The following GAPVD1 variants were observed in gnomAD, a reference collection of about 807,000 sequenced individuals.
GAPVD1 encodes GTPase activating protein and VPS9 domains 1.
GAPVD1 carries 35 observed loss-of-function variants against 155.5 expected under a neutral mutation model. The observed-to-expected ratio is 0.23, with a 90% CI of 0.17 to 0.30. The LOEUF is 0.30. Among genes scored for constraint, GAPVD1 ranks in the 10% least tolerant of loss-of-function variants. The pLI, the probability that GAPVD1 is intolerant of heterozygous loss-of-function variation, is 1.00. For synonymous variants in GAPVD1, 636 were observed against 619.7 expected (o/e 1.03, Z -0.39); for missense variants, 1,429 against 1,775.7 (o/e 0.80, Z 3.51).
rs913859116 is a variant in GAPVD1 at position 125,349,386 on chromosome 9, T to G, written c.3170-4T>G. Reference sequence around the variant, plus strand: ...TCCGTTTCTTGGGGGTGGGTTTTGTTTAGAGGTTATGGGTGATGGTGAAAG... The same window carrying G: ...TCCGTTTCTTGGGGGTGGGTTTTGTGTAGAGGTTATGGGTGATGGTGAAAG... On this transcript the variant is annotated splice_region_variant and splice_polypyrimidine_tract_variant and intron_variant, in intron 20 of 27. Coordinates refer to ENST00000297933, the MANE Select transcript of GAPVD1 (RefSeq NM_001282680.3). 3.1e-6 allele frequency: 5 copies of G among 1,612,412 alleles called. No homozygotes were observed. The highest frequency in any genetic ancestry group is 3.3e-5 in the Admixed American group (2 of 59,992).
intron 2 of GAPVD1, among the ~76,000 whole-genome samples, chr9:125,269,221 G>T (rs1186899569): frequency 6.6e-6 from 1 of 151,920 alleles, no homozygotes; most frequent in African/African-American, 2.4e-5. Flanking sequence ...ATGCTACTTT[G>T]CCCAGCTGAG....
chr9:125,265,924 T>TAAAAAAAAAAAAAAAAAA (rs1294990326), intron 1 of GAPVD1, among the ~76,000 whole-genome samples: 2 of 72,694 alleles, frequency 2.8e-5, no homozygotes, highest in African/African-American at 5.3e-5. Flanking sequence ...AAAAAATTTA[T>TAAAAAAAAAAAAAAAAAA]AAAAAAAAAA....
At chr9:125,336,633 C>T (rs1847043630) in intron 15 of GAPVD1, 1 of 180,224 alleles carries the variant, frequency 5.5e-6, no homozygotes, top group Non-Finnish European at 1.2e-5. Context: ...AAGGCATGAG[C>T]CCCTACACCT....
chr9:125,318,851 C>T (rs1843838017), intron 9 of GAPVD1, among the ~76,000 whole-genome samples: 1 of 151,736 alleles, frequency 6.6e-6, no homozygotes. Flanking sequence ...GACTTCAAGA[C>T]CAGCCTGGGC....
intron 23 of GAPVD1, 56 bp from the exon 24 acceptor site, chr9:125,354,598 C>A: frequency 2.6e-6 from 3 of 1,168,466 alleles, no homozygotes; most frequent in South Asian, 1.4e-5. Context: ...CCTTATTCTT[C>A]AAAGAGAGTA....
chr9:125,274,636 T>C (rs1230102343), intron 2 of GAPVD1, among the ~76,000 whole-genome samples: 2 of 152,034 alleles, frequency 1.3e-5, no homozygotes, highest in Non-Finnish European at 2.9e-5. Flanking sequence ...GCTAATTTTG[T>C]ATTTTTAGTA....
intron 9 of GAPVD1, among the ~76,000 whole-genome samples, chr9:125,320,638 T>G (rs181545330): frequency 2.0e-4 from 31 of 152,284 alleles, no homozygotes; most frequent in African/African-American, 6.7e-4. Context: ...TTATTTTTAT[T>G]TTTTTGAGAT....
intron 2 of GAPVD1, among the ~76,000 whole-genome samples, chr9:125,269,710 CTTTTTT>C (rs951306489): frequency 5.7e-5 from 3 of 52,684 alleles, no homozygotes; most frequent in East Asian, 4.4e-4. Flanking sequence ...CCATGCCTGG[CTTTTTT>C]TTTTTTTTTT....
intron 25 of GAPVD1, among the ~76,000 whole-genome samples, chr9:125,357,592 A>C (rs1388347250): frequency 2.0e-5 from 3 of 151,992 alleles, no homozygotes; most frequent in Non-Finnish European, 4.4e-5. Flanking sequence ...AAAATGAGAG[A>C]GAGAGAATGA....
chr9:125,305,998 A>T (rs1841736008), intron 6 of GAPVD1, among the ~76,000 whole-genome samples: 1 of 152,182 alleles, frequency 6.6e-6, no homozygotes, highest in African/African-American at 2.4e-5. Flanking sequence ...AACATCTATG[A>T]CATTGTTCAA....
intron 2 of GAPVD1, among the ~76,000 whole-genome samples, chr9:125,280,226 G>A (rs1029034436): frequency 1.3e-5 from 2 of 150,578 alleles, no homozygotes; most frequent in African/African-American, 4.8e-5. Context: ...GAGAAACCCC[G>A]TCTCCACTAA....
intron 8 of GAPVD1, among the ~76,000 whole-genome samples, chr9:125,311,109 A>G (rs1157665605): frequency 4.6e-5 from 7 of 152,028 alleles, no homozygotes; most frequent in African/African-American, 1.4e-4. Flanking sequence ...CCAGAGTGCT[A>G]GGATTACAGG....
rs570563508 is a variant in GAPVD1, at chr9:125,320,787, G to A, written c.1603-646G>A. On this transcript the variant is annotated intron_variant, in intron 9 of 27. Coordinates refer to ENST00000297933, the MANE Select transcript of GAPVD1 (RefSeq NM_001282680.3). ...ACTACAGGCACCCACCACCAAGCCC[G>A]GCTAATTTTTTTTGTAGTTTAGTAG... 1.7e-3 allele frequency among the ~76,000 whole-genome samples: 264 copies of A among 151,870 alleles called. 2 individuals carry two copies. The highest frequency in any genetic ancestry group is 6.0e-3 in the African/African-American group (247 of 41,426).
chr9:125,299,752 G>A (rs926476766), intron 4 of GAPVD1, among the ~76,000 whole-genome samples: 7 of 150,254 alleles, frequency 4.7e-5, no homozygotes, highest in African/African-American at 1.5e-4. Flanking sequence ...TGGGTGTGGT[G>A]GCTGACACCT....
At chr9:125,282,550 T>TA (rs1178884617) in intron 2 of GAPVD1, among the ~76,000 whole-genome samples, 1 of 152,240 alleles carries the variant, frequency 6.6e-6, no homozygotes, top group Non-Finnish European at 1.5e-5. Flanking sequence ...ATTTCCCACT[T>TA]ACTTTGATGA....
intron 19 of GAPVD1, among the ~76,000 whole-genome samples, chr9:125,343,839 A>T (rs1328361326): frequency 6.6e-6 from 1 of 152,258 alleles, no homozygotes; most frequent in Non-Finnish European, 1.5e-5. Context: ...CTAATGTTAG[A>T]AGAACACTAG....
At chr9:125,299,594 G>A (rs1471273020) in intron 4 of GAPVD1, among the ~76,000 whole-genome samples, 1 of 151,724 alleles carries the variant, frequency 6.6e-6, no homozygotes, top group Non-Finnish European at 1.5e-5. Context: ...GGTGGAGGTT[G>A]CAGTGGGCCG....
intron 2 of GAPVD1, among the ~76,000 whole-genome samples, chr9:125,292,124 C>T (rs1838704398): frequency 6.6e-6 from 1 of 151,992 alleles, no homozygotes; most frequent in Non-Finnish European, 1.5e-5. Flanking sequence ...ATAACTACAG[C>T]TACTCGGGAG....
chr9:125,292,207 G>A (rs1272384775), intron 2 of GAPVD1, among the ~76,000 whole-genome samples: 6 of 152,214 alleles, frequency 3.9e-5, no homozygotes, highest in East Asian at 3.9e-4. Context: ...ACTGCACTCC[G>A]CTTGGATGAC....
Sources: gnomAD v4.1 joint callset for allele counts (sites outside exome capture counted in the v4.1 genomes callset) on GRCh38, gnomAD v4.1.1 for gene constraint, MANE v1.5 for transcripts, NCBI Gene and HGNC (gene_info 2026-07-23, HGNC 2026-07-21) for gene names.